The following GPR176 variants were observed in gnomAD, a reference collection of about 807,000 sequenced individuals.
GPR176 encodes the protein G-protein coupled receptor 176.
A neutral mutation model predicts 35.4 loss-of-function variants in GPR176; 26 were observed. The observed-to-expected ratio is 0.74, with a 90% CI of 0.54 to 1.02. The LOEUF is 1.02. GPR176 is among the 50% of genes least tolerant of loss of function. The probability of loss-of-function intolerance (pLI) is 0.00; values close to 1 mark genes in which losing one functional copy is unlikely to be tolerated. For missense variants in GPR176, 597 were observed against 665.3 expected (o/e 0.90, Z 1.13); for synonymous variants, 278 against 271.3 (o/e 1.02, Z -0.24).
chr15:39,817,138 C>T (rs912560879), intron 1 of GPR176, among the ~76,000 whole-genome samples: 11 of 149,376 alleles, frequency 7.4e-5, no homozygotes, highest in African/African-American at 1.2e-4. Context: ...AGCCAGCAAG[C>T]GCCCTTGTGC....
At chr15:39,804,381 C>A (rs1316303871) in intron 2 of GPR176, among the ~76,000 whole-genome samples, 1 of 152,152 alleles carries the variant, frequency 6.6e-6, no homozygotes, top group Admixed American at 6.5e-5. Context: ...CTGTGAATAA[C>A]AAAATAGGAA....
chr15:39,801,569 C>G lies in GPR176; in HGVS notation c.1111G>C (p.Glu371Gln), dbSNP rs1376029236. The change falls in exon 3 of 3, where the codon GAG (glutamate) becomes CAG (glutamine). Residue 371 changes from glutamate (E) to glutamine (Q), a missense_variant. By Grantham distance (29) the Glu-to-Gln change is conservative. Around this residue, in one of 3 missense-constraint regions of GPR176, gnomAD observed 251 missense variants for 255.4 expected, o/e 0.98. Coordinates refer to ENST00000561100, the MANE Select transcript of GPR176 (RefSeq NM_007223.3). ...TGCTGCTGCCCAATGTGGAACATCTCCAGGAGCTGGCTACCCGAGCGTATG... is the reference window on the plus strand; with the variant it reads ...TGCTGCTGCCCAATGTGGAACATCTGCAGGAGCTGGCTACCCGAGCGTATG... ...PSIRSGSQLLEMFHIGQQQIF... is the reference protein window; with the variant it reads ...PSIRSGSQLLQMFHIGQQQIF... The G allele has an allele frequency of 1.9e-6, 3 of 1,614,030 alleles. No individual in the cohort carries two copies. Among genetic ancestry groups the G allele is most frequent in the Non-Finnish European group, 2.5e-6 (3 of 1,179,980 alleles).
rs1396421475 is a variant in GPR176, at chr15:39,919,992, G to C, written c.35C>G (p.Ala12Gly). The change falls in exon 1 of 3, where the codon GCC (alanine) becomes GGC (glycine). Residue 12 changes from alanine (A) to glycine (G), a missense_variant. This residue lies in a region of GPR176 where 126 missense variants were observed against 112.4 expected (regional missense o/e 1.12). Coordinates refer to ENST00000561100, the MANE Select transcript of GPR176 (RefSeq NM_007223.3). Reference protein sequence around the residue: ...GHNGSWISPNASEPHNASGAE... With the variant: ...GHNGSWISPNGSEPHNASGAE... ...GCCGGACGCGTTGTGCGGCTCGCTG[G>C]CATTTGGAGAGATCCAGCTCCCGTT... 3 of 1,443,016 alleles carry C rather than the reference G, an allele frequency of 2.1e-6. No individual in the cohort carries two copies. The South Asian group carries it at 4.3e-5, about 21-fold the overall frequency. The allele number at this position is 1,443,016 out of a possible 1,614,324, so 89.4% of individuals were successfully genotyped here.
chr15:39,828,268 G>A (rs562754578), intron 1 of GPR176, among the ~76,000 whole-genome samples: 5 of 152,320 alleles, frequency 3.3e-5, no homozygotes, highest in African/African-American at 7.2e-5. Flanking sequence ...GGACAGGTAG[G>A]TGTCTGTGTG....
chr15:39,876,648 T>G (rs570957917), intron 1 of GPR176, among the ~76,000 whole-genome samples: 133 of 152,252 alleles, frequency 8.7e-4, no homozygotes, highest in African/African-American at 3.1e-3. Flanking sequence ...TAGTAAATTT[T>G]CACAGTGAGA....
intron 1 of GPR176, among the ~76,000 whole-genome samples, chr15:39,903,876 A>G (rs1335084320): frequency 6.6e-6 from 1 of 152,206 alleles, no homozygotes; most frequent in African/African-American, 2.4e-5. Context: ...CCATAGGGTG[A>G]AGTGAAAGCA....
intron 1 of GPR176, among the ~76,000 whole-genome samples, chr15:39,864,982 TA>T (rs1447294266): frequency 1.4e-5 from 2 of 146,910 alleles, no homozygotes; most frequent in Admixed American, 6.7e-5. Flanking sequence ...AAATGCAAAT[TA>T]AAACAACAAT....
intron 1 of GPR176, among the ~76,000 whole-genome samples, chr15:39,822,197 T>G (rs146838521): frequency 6.6e-6 from 1 of 152,236 alleles, no homozygotes; most frequent in African/African-American, 2.4e-5. Flanking sequence ...TGCAACCTTA[T>G]GAGACACCTT....
At chr15:39,842,285 A>G (rs1483194403) in intron 1 of GPR176, among the ~76,000 whole-genome samples, 1 of 152,032 alleles carries the variant, frequency 6.6e-6, no homozygotes, top group African/African-American at 2.4e-5. Flanking sequence ...GAGCAAGAGG[A>G]AGAGAGAGTG....
intron 1 of GPR176, among the ~76,000 whole-genome samples, chr15:39,857,091 C>T (rs370957101): frequency 6.6e-6 from 1 of 152,102 alleles, no homozygotes; most frequent in African/African-American, 2.4e-5. Context: ...ATATAGCTCA[C>T]ATAGATGTGA....
chr15:39,852,800 T>C (rs2030960398), intron 1 of GPR176, among the ~76,000 whole-genome samples: 1 of 152,196 alleles, frequency 6.6e-6, no homozygotes, highest in Non-Finnish European at 1.5e-5. Context: ...GTGTCTTACT[T>C]ACCATTATAT....
chr15:39,830,561 AAGG>A (rs1362159719), intron 1 of GPR176, among the ~76,000 whole-genome samples: 2 of 152,192 alleles, frequency 1.3e-5, no homozygotes, highest in African/African-American at 4.8e-5. Context: ...TGGCAATAGC[AAGG>A]AGTTTAGTGA....
intron 1 of GPR176, among the ~76,000 whole-genome samples, chr15:39,908,892 G>T (rs1301022476): frequency 1.3e-5 from 2 of 152,176 alleles, no homozygotes; most frequent in African/African-American, 2.4e-5. Context: ...AGGATACTGG[G>T]ATCAGTAAAG....
intron 1 of GPR176, among the ~76,000 whole-genome samples, chr15:39,866,139 G>A (rs1455121874): frequency 6.6e-6 from 1 of 151,878 alleles, no homozygotes; most frequent in Non-Finnish European, 1.5e-5. Context: ...AAGAAAAAGT[G>A]GAAAATAAGA....
At position 39,829,440 on chromosome 15, in the gene GPR176, G is replaced by A. The variant is rs142074528; in HGVS notation, c.173-22182C>T. Among the ~76,000 whole-genome samples the A allele has an allele frequency of 2.2e-3, 333 of 152,266 alleles. 1 individual carries two copies. The highest frequency in any genetic ancestry group is 7.6e-3 in the African/African-American group (316 of 41,562). On this transcript the variant is annotated intron_variant, in intron 1 of 2. Coordinates refer to ENST00000561100, the MANE Select transcript of GPR176 (RefSeq NM_007223.3). ...GAGGTTGCAGGATCTACAGGGAAAA[G>A]TGAGTCATCTCAGGAACAAAGGGTG... is the stretch of plus-strand genomic sequence containing the variant.
At chr15:39,885,718 A>C (rs535059786) in intron 1 of GPR176, among the ~76,000 whole-genome samples, 1 of 152,336 alleles carries the variant, frequency 6.6e-6, no homozygotes, top group South Asian at 2.1e-4. Flanking sequence ...ATGTAAGAAA[A>C]ATAGAAAATA....
chr15:39,807,008 G>A lies in GPR176; in HGVS notation c.423C>T (p.Asp141=). ...TILSFPAIAL[D]RYYSVLYPLE... ...AGCTCCTGGCTACCTGATCTTACCT[G>A]TCCAAAGCAATAGCAGGGAAGCTGA... The change falls in exon 2 of 3, where the codon GAC becomes GAT. Residue 141 remains aspartate, a splice_region_variant and synonymous_variant. Coordinates refer to ENST00000561100, the MANE Select transcript of GPR176 (RefSeq NM_007223.3). 6.2e-7 allele frequency: 1 copy of A among 1,611,088 alleles called. No homozygotes were observed. The highest frequency in any genetic ancestry group is 8.5e-7 in the Non-Finnish European group (1 of 1,178,996).
At chr15:39,851,294 A>G (rs1373032243) in intron 1 of GPR176, among the ~76,000 whole-genome samples, 1 of 152,206 alleles carries the variant, frequency 6.6e-6, no homozygotes, top group Non-Finnish European at 1.5e-5. Context: ...AATAAAATCT[A>G]TGAAGAAAAC....
intron 1 of GPR176, among the ~76,000 whole-genome samples, chr15:39,915,902 A>G (rs1223465328): frequency 6.6e-6 from 1 of 152,212 alleles, no homozygotes; most frequent in African/African-American, 2.4e-5. Context: ...ATTAAAAAAT[A>G]AATTGCAATG....
Sources: gnomAD v4.1 joint callset for allele counts (sites outside exome capture counted in the v4.1 genomes callset) on GRCh38, gnomAD v4.1.1 for gene constraint, gnomAD v4.1.1 regional missense constraint, MANE v1.5 for transcripts, NCBI Gene and HGNC (gene_info 2026-07-23, HGNC 2026-07-21) for gene names.